DDX56: variants seen among roughly 807,000 people sequenced by gnomAD.
DDX56 encodes the protein probable ATP-dependent RNA helicase DDX56.
In DDX56, 45 loss-of-function variants were observed where a neutral mutation model predicts 61.5. The observed-to-expected ratio is 0.73, with a 90% CI of 0.58 to 0.94. The LOEUF is 0.94. DDX56 is among the 40% of genes least tolerant of loss of function. DDX56 has a pLI of 0.00. For synonymous variants in DDX56, 273 were observed against 268.3 expected (o/e 1.02, Z -0.17); for missense variants, 708 against 690.7 (o/e 1.02, Z -0.28).
At chr7:44,573,536 C>T (rs755246994) in intron 2 of DDX56, 47 bp downstream of exon 2, 1 of 1,599,492 alleles carries the variant, frequency 6.3e-7, no homozygotes. Flanking sequence ...CCTTCCCAGG[C>T]TTTTGGAGCT....
intron 11 of DDX56, 80 bp from the exon 12 acceptor site, chr7:44,568,303 A>G: frequency 9.7e-7 from 1 of 1,033,582 alleles, no homozygotes; most frequent in East Asian, 2.6e-5. Flanking sequence ...AAAGGATAAC[A>G]CACTCATGTG....
intron 6 of DDX56, among the ~76,000 whole-genome samples, 182 bp from the exon 7 acceptor site, chr7:44,571,059 A>G (rs974005258): frequency 2.0e-5 from 3 of 152,086 alleles, no homozygotes; most frequent in Non-Finnish European, 4.4e-5. Context: ...TTTTTTTGAG[A>G]CAGAGTTTCA....
In DDX56 at chr7:44,571,792, C is replaced by T. The variant is rs1585173240; in HGVS notation, c.646-56G>A. ...AGGAAAAGAACACAGAGATGTATGG[C>T]CACTTACTCACCAACCAAAGCATCA... is the stretch of plus-strand genomic sequence containing the variant. On this transcript the variant is annotated intron_variant, in intron 5 of 13. Coordinates refer to ENST00000258772, the MANE Select transcript of DDX56 (RefSeq NM_019082.4). The T allele has an allele frequency of 2.5e-6, 4 of 1,597,498 alleles. No individual in the cohort carries two copies. The East Asian group carries it at 6.7e-5, about 27-fold the overall frequency.
In DDX56 at chr7:44,568,249, AG is replaced by A. The variant is rs781670672; in HGVS notation, c.1384-27del. The A allele has an allele frequency of 4.4e-5, 67 of 1,526,160 alleles. No individual in the cohort carries two copies. The African/African-American group carries it at 8.8e-4, about 20-fold the overall frequency. The allele number at this position is 1,526,160 out of a possible 1,614,324, so 94.5% of individuals were successfully genotyped here. On this transcript the variant is annotated intron_variant, in intron 11 of 13. Transcript: ENST00000258772. Reference sequence around the variant, plus strand: ...CTGCCGGGGGAAGAGGGAGAGCCACAGAGTGAGCATCTTTCTTCTGTGACTT... The same window carrying A: ...CTGCCGGGGGAAGAGGGAGAGCCACAAGTGAGCATCTTTCTTCTGTGACTT...
chr7:44,569,227 G>A (rs1188039186), intron 9 of DDX56, 24 bp from the exon 10 acceptor site: 33 of 1,609,154 alleles, frequency 2.1e-5, no homozygotes, highest in Non-Finnish European at 2.8e-5. Flanking sequence ...AGCAGCGAGG[G>A]TCCCACAGGC....
At chr7:44,566,206 G>T in intron 13 of DDX56, 127 bp from the exon 14 acceptor site, 1 of 659,770 alleles carries the variant, frequency 1.5e-6, no homozygotes, top group Non-Finnish European at 2.6e-6. Flanking sequence ...ACCAGAAGGT[G>T]CTGCAGATAA....
chr7:44,569,534 C>T (rs1802621183), intron 9 of DDX56, among the ~76,000 whole-genome samples: 1 of 152,130 alleles, frequency 6.6e-6, no homozygotes, highest in African/African-American at 2.4e-5. Context: ...GACCACCCAG[C>T]ACCCTGGGGT....
chr7:44,571,740 G>C lies in DDX56; in HGVS notation c.646-4C>G, dbSNP rs750936470. 9.3e-6 allele frequency: 15 copies of C among 1,613,432 alleles called. No individual in the cohort carries two copies. In the East Asian group the frequency reaches 3.1e-4, roughly 34 times the overall value. On this transcript the variant is annotated splice_polypyrimidine_tract_variant and splice_region_variant and intron_variant, in intron 5 of 13. Transcript: ENST00000258772. ...ACTCCTGTAACTTAAGGGTAACCTG[G>C]GGGAGAAAACAGGCCTGTGGTCAGA...
chr7:44,571,461 TA>T, intron 6 of DDX56, 30 bp downstream of exon 6: 1 of 1,611,302 alleles, frequency 6.2e-7, no homozygotes, highest in Non-Finnish European at 8.5e-7. Flanking sequence ...ATCTTCAACT[TA>T]TTTCAACCAA....
chr7:44,571,746 A>G lies in DDX56; in HGVS notation c.646-10T>C. On this transcript the variant is annotated splice_polypyrimidine_tract_variant and intron_variant, in intron 5 of 13. Coordinates refer to ENST00000258772, the MANE Select transcript of DDX56 (RefSeq NM_019082.4). Reference sequence around the variant, plus strand: ...GTAACTTAAGGGTAACCTGGGGGAGAAAACAGGCCTGTGGTCAGAAAGGAA... The same window carrying G: ...GTAACTTAAGGGTAACCTGGGGGAGGAAACAGGCCTGTGGTCAGAAAGGAA... The G allele has an allele frequency of 1.2e-6, 2 of 1,613,270 alleles. No individual in the cohort carries two copies. Among genetic ancestry groups the G allele is most frequent in the Non-Finnish European group, 1.7e-6 (2 of 1,179,672 alleles).
rs2117128955 is a variant in DDX56, at chr7:44,572,901, T to G, written c.372A>C (p.Ser124=). 6.3e-7 allele frequency: 1 copy of G among 1,591,794 alleles called. No homozygotes were observed. The highest frequency in any genetic ancestry group is 8.6e-7 in the Non-Finnish European group (1 of 1,167,194). The change falls in exon 3 of 14, where the codon TCA becomes TCC. Residue 124 remains serine, a synonymous_variant. Transcript: ENST00000258772. ...CTGCTTTTACCCACCTCTGAGAGACTGAGTCTTCAGCAGCTGAGACATTGG... is the reference window on the plus strand; with the variant it reads ...CTGCTTTTACCCACCTCTGAGAGACGGAGTCTTCAGCAGCTGAGACATTGG... ...RVANVSAAED[S]VSQRAVLMEK...
At position 44,568,943 on chromosome 7, in the gene DDX56, T is replaced by C; in HGVS notation, c.1343A>G (p.Lys448Arg). ...ATGCAGAAGCTCTTCCTTGATCTCC[T>C]TCAATCTTGCCTCCCGAATGGCCTG... ...TKQAIREARL[K>R]EIKEELLHSE... Residue 448 changes from lysine (K) to arginine (R), a missense_variant, in exon 11 of 14, where the codon AAG (lysine) becomes AGG (arginine). By Grantham distance (26) the Lys-to-Arg change is conservative. Coordinates refer to ENST00000258772, the MANE Select transcript of DDX56 (RefSeq NM_019082.4). 6.2e-7 allele frequency: 1 copy of C among 1,614,144 alleles called. No homozygotes were observed. Among genetic ancestry groups the C allele is most frequent in the Non-Finnish European group, 8.5e-7 (1 of 1,180,026 alleles).
At position 44,569,896 on chromosome 7, in the gene DDX56, G is replaced by A. The variant is rs778760578; in HGVS notation, c.1132C>T (p.Arg378Cys). 11 of 1,611,024 alleles carry A rather than the reference G, an allele frequency of 6.8e-6. No homozygotes were observed. Among genetic ancestry groups the A allele is most frequent in the Admixed American group, 5.0e-5 (3 of 59,644 alleles). Reference protein sequence around the residue: ...AYIHRAGRTARANNPGIVLTF... With the variant: ...AYIHRAGRTACANNPGIVLTF... ...AAGACTATGCCTGGGTTGTTAGCGC[G>A]TGCTGTCCTGCAAGGGAAGACAGTG... is the stretch of plus-strand genomic sequence containing the variant. Residue 378 changes from arginine to cysteine, a missense_variant, in exon 9 of 14, where the codon CGC (arginine) becomes TGC (cysteine). Arg to Cys is a radical substitution (Grantham distance 180). Coordinates refer to ENST00000258772, the MANE Select transcript of DDX56 (RefSeq NM_019082.4).
At position 44,568,237 on chromosome 7, in the gene DDX56, A is replaced by AG; in HGVS notation, c.1384-15dup. The AG allele has an allele frequency of 1.3e-6, 2 of 1,583,666 alleles. No individual in the cohort carries two copies. Among genetic ancestry groups the AG allele is most frequent in the Non-Finnish European group, 1.7e-6 (2 of 1,156,266 alleles). The stretch of plus-strand genomic sequence containing the variant: ...TTCAAAGTATGTCTGCCGGGGGAAG[A>AG]GGGAGAGCCACAGAGTGAGCATCTT... On this transcript the variant is annotated splice_polypyrimidine_tract_variant and intron_variant, in intron 11 of 13. Coordinates refer to ENST00000258772, the MANE Select transcript of DDX56 (RefSeq NM_019082.4).
At chr7:44,566,831 G>A (rs1385058797) in intron 12 of DDX56, among the ~76,000 whole-genome samples, 1 of 152,012 alleles carries the variant, frequency 6.6e-6, no homozygotes, top group Non-Finnish European at 1.5e-5. Context: ...TTCACCTGTG[G>A]CCCATTACTA....
At position 44,565,978 on chromosome 7, in the gene DDX56, C is replaced by T. The variant is rs772544988; in HGVS notation, c.*24G>A. On this transcript the variant is annotated 3_prime_UTR_variant, in exon 14 of 14. Coordinates refer to ENST00000258772, the MANE Select transcript of DDX56 (RefSeq NM_019082.4). ...GTAAGCCTGTGCTCCACAATGTGCT[C>T]AGCTCCAGAGAGGCCCAACAACCTC... 8 of 1,578,600 alleles carry T rather than the reference C, an allele frequency of 5.1e-6. No individual in the cohort carries two copies. The South Asian group carries it at 6.7e-5, about 13-fold the overall frequency.
chr7:44,572,651 G>A lies in DDX56; in HGVS notation c.477C>T (p.Ser159=). Residue 159 remains serine (S), a synonymous_variant, in exon 4 of 14, where the codon TCC becomes TCT. Transcript: ENST00000258772. ...CTTCGTCCACCACCAAAAGCTCCAGGGAGTCACGAAGTTTCAGGCTGTCTT... is the reference window on the plus strand; with the variant it reads ...CTTCGTCCACCACCAAAAGCTCCAGAGAGTCACGAAGTTTCAGGCTGTCTT... ...LQQDSLKLRD[S]LELLVVDEAD... 1 of 1,614,144 alleles carries A rather than the reference G, an allele frequency of 6.2e-7. No homozygotes were observed. The highest frequency in any genetic ancestry group is 8.5e-7 in the Non-Finnish European group (1 of 1,180,028).
chr7:44,572,838 C>G, intron 3 of DDX56, 52 bp downstream of exon 3: 1 of 1,596,384 alleles, frequency 6.3e-7, no homozygotes, highest in South Asian at 1.1e-5. Flanking sequence ...CAAACCCAAC[C>G]CCACAACACT....
At position 44,566,084 on chromosome 7, in the gene DDX56, G is replaced by T. The variant is rs375751369; in HGVS notation, c.1567-5C>A. ...TGGGTTCTGGGACTTTGCTCTCTAA[G>T]GAGGCAAAGTCACAGGTTAGTTGGG... On this transcript the variant is annotated splice_polypyrimidine_tract_variant and splice_region_variant and intron_variant, in intron 13 of 13. Transcript: ENST00000258772. 9 of 1,604,008 alleles carry T rather than the reference G, an allele frequency of 5.6e-6. No individual in the cohort carries two copies. The highest frequency in any genetic ancestry group is 1.3e-5 in the African/African-American group (1 of 74,750).
Sources: allele counts gnomAD v4.1 joint callset (sites outside exome capture counted in the v4.1 genomes callset), GRCh38; gene constraint gnomAD v4.1.1; transcripts MANE v1.5; gene names NCBI Gene and HGNC (gene_info 2026-07-23, HGNC 2026-07-21).